The following CREB5 variants were observed in gnomAD, a reference collection of about 807,000 sequenced individuals.
The protein encoded by CREB5 is cAMP responsive element binding protein 5.
In CREB5, 19 loss-of-function variants were observed where a neutral mutation model predicts 57.1. The ratio of observed to expected loss-of-function variants is 0.33; its 90% CI spans 0.23 to 0.49. The LOEUF is 0.49. Ranked by LOEUF, CREB5 falls within the 20% of genes least tolerant of loss-of-function variation. The pLI is 0.99. For missense variants in CREB5, 579 were observed against 671.6 expected, an observed-to-expected ratio of 0.86 and a Z score of 1.52; for synonymous variants, 238 against 238.3, an observed-to-expected ratio of 1.00 and a Z score of 0.01.
At chr7:28,328,283 T>A (rs1480277069) in intron 1 of CREB5, among the ~76,000 whole-genome samples, 2 of 152,200 alleles carry the variant, frequency 1.3e-5, no homozygotes, top group East Asian at 3.8e-4. Flanking sequence ...ATAAACTTTA[T>A]TGTCATGTCT....
At chr7:28,722,996 C>A (rs1803126975) in intron 6 of CREB5, among the ~76,000 whole-genome samples, 1 of 152,164 alleles carries the variant, frequency 6.6e-6, no homozygotes, top group South Asian at 2.1e-4. Flanking sequence ...TTCAATGAGC[C>A]CTCTCAAGCT....
chr7:28,815,059 C>A (rs572846922), intron 9 of CREB5, among the ~76,000 whole-genome samples: 1 of 152,276 alleles, frequency 6.6e-6, no homozygotes, highest in Admixed American at 6.5e-5. Context: ...TCACTTGAGG[C>A]CAGGAGTTCA....
chr7:28,484,014 A>G (rs1791454589), intron 1 of CREB5, among the ~76,000 whole-genome samples: 1 of 152,224 alleles, frequency 6.6e-6, no homozygotes, highest in Non-Finnish European at 1.5e-5. Flanking sequence ...ATTCAGGATC[A>G]TTATCCATTC....
chr7:28,783,881 G>A (rs1807143584), intron 7 of CREB5, among the ~76,000 whole-genome samples: 1 of 152,194 alleles, frequency 6.6e-6, no homozygotes, highest in Non-Finnish European at 1.5e-5. Flanking sequence ...ACTTACAGAA[G>A]GAATGATTTC....
intron 1 of CREB5, among the ~76,000 whole-genome samples, chr7:28,424,386 T>G (rs1438092203): frequency 6.6e-6 from 1 of 152,138 alleles, no homozygotes; most frequent in Non-Finnish European, 1.5e-5. Context: ...GAGTGATATG[T>G]TTTCTAATCA....
chr7:28,679,052 CTTTTT>C (rs56266854), intron 5 of CREB5, among the ~76,000 whole-genome samples: 1 of 123,866 alleles, frequency 8.1e-6, no homozygotes, highest in Admixed American at 8.8e-5. Flanking sequence ...TTTTGTAGTT[CTTTTT>C]TTTTTTTTTT....
chr7:28,716,933 A>G (rs1462411917), intron 5 of CREB5, among the ~76,000 whole-genome samples: 1 of 152,204 alleles, frequency 6.6e-6, no homozygotes, highest in African/African-American at 2.4e-5. Flanking sequence ...AGAAATACCC[A>G]TAGCACTTCA....
chr7:28,417,790 A>G (rs1054145995), intron 1 of CREB5, among the ~76,000 whole-genome samples: 17 of 152,248 alleles, frequency 1.1e-4, no homozygotes, highest in African/African-American at 3.9e-4. Flanking sequence ...TGTTACAAGC[A>G]TGCTGCACCC....
intron 5 of CREB5, among the ~76,000 whole-genome samples, chr7:28,630,716 T>C (rs1443298352): frequency 6.6e-6 from 1 of 152,176 alleles, no homozygotes; most frequent in Non-Finnish European, 1.5e-5. Flanking sequence ...AAAAAGACAA[T>C]AGTGTGGCTA....
At position 28,421,691 on chromosome 7, in the gene CREB5, C is replaced by T. The variant is rs544644419; in HGVS notation, c.3+8774C>T. On this transcript the variant is annotated intron_variant, in intron 1 of 10. Coordinates refer to ENST00000357727, the MANE Select transcript of CREB5 (RefSeq NM_182898.4). ...AGCTGTATCATTCCATTTGAAAATG[C>T]ATTTGACCTTATTTGAGCAGTTTTT... Among the ~76,000 whole-genome samples, 7 of 151,358 alleles carry T rather than the reference C, an allele frequency of 4.6e-5. No homozygotes were observed. The South Asian group carries it at 1.5e-3, about 32-fold the overall frequency.
intron 5 of CREB5, among the ~76,000 whole-genome samples, chr7:28,626,810 C>T (rs1168687698): frequency 6.6e-6 from 1 of 152,126 alleles, no homozygotes; most frequent in Non-Finnish European, 1.5e-5. Context: ...TCTTACTCCC[C>T]CTGGTGTTCA....
At chr7:28,817,253 C>T (rs1809492147) in intron 9 of CREB5, among the ~76,000 whole-genome samples, 1 of 152,168 alleles carries the variant, frequency 6.6e-6, no homozygotes, top group Non-Finnish European at 1.5e-5. Context: ...CCTGAGCTGA[C>T]ATCATCCACC....
At chr7:28,719,286 A>G (rs1439134915) in intron 6 of CREB5, among the ~76,000 whole-genome samples, 3 of 152,226 alleles carry the variant, frequency 2.0e-5, no homozygotes, top group African/African-American at 7.2e-5. Context: ...GATCATACAT[A>G]ATAGCTGCTA....
intron 1 of CREB5, among the ~76,000 whole-genome samples, chr7:28,448,203 A>G (rs1789587593): frequency 6.6e-6 from 1 of 151,822 alleles, no homozygotes; most frequent in Admixed American, 6.6e-5. Flanking sequence ...CGAACATCAG[A>G]CTCCAAGTTC....
intron 1 of CREB5, among the ~76,000 whole-genome samples, chr7:28,396,626 T>C (rs953791841): frequency 5.3e-5 from 8 of 152,222 alleles, no homozygotes; most frequent in Admixed American, 5.2e-4. Flanking sequence ...ATCAGAGGCT[T>C]AGTGCACAGG....
chr7:28,761,976 A>G (rs954762557), intron 7 of CREB5, among the ~76,000 whole-genome samples: 9 of 152,190 alleles, frequency 5.9e-5, no homozygotes, highest in African/African-American at 1.7e-4. Flanking sequence ...GTGAATCTCA[A>G]TGTAAATAAC....
chr7:28,606,328 T>G (rs565260333), intron 5 of CREB5, among the ~76,000 whole-genome samples: 2 of 148,254 alleles, frequency 1.3e-5, no homozygotes, highest in South Asian at 4.1e-4. Flanking sequence ...TTACAAAAAT[T>G]TATTTACAAT....
rs1212595303 is a variant in CREB5, at chr7:28,560,987, T to TGCGTGTGTGCGCGTGTGCGCGTGC, written c.292-9377_292-9376insCGTGTGTGCGCGTGTGCGCGTGCG. On this transcript the variant is annotated intron_variant, in intron 4 of 10. Coordinates refer to ENST00000357727, the MANE Select transcript of CREB5 (RefSeq NM_182898.4). ...GTGTGTGTGTGCGTGTGTGCGTGCG[T>TGCGTGTGTGCGCGTGTGCGCGTGC]GTGTGTGCCTGCGTGTGCGTGTGTG... 6.4e-4 allele frequency among the ~76,000 whole-genome samples: 41 copies of TGCGTGTGTGCGCGTGTGCGCGTGC among 64,492 alleles called. 7 individuals are homozygous for TGCGTGTGTGCGCGTGTGCGCGTGC. Among genetic ancestry groups the TGCGTGTGTGCGCGTGTGCGCGTGC allele is most frequent in the Non-Finnish European group, 1.3e-3 (36 of 28,408 alleles). 42.3% of individuals were successfully genotyped at this position (64,492 alleles called of 152,430 possible). A position where few individuals can be genotyped will look rare whatever the true frequency, so the allele number is the denominator to read the frequency against.
chr7:28,525,451 G>A (rs1793406909), intron 4 of CREB5, among the ~76,000 whole-genome samples: 1 of 152,052 alleles, frequency 6.6e-6, no homozygotes, highest in South Asian at 2.1e-4. Context: ...CCAACAGTGT[G>A]TAAGAATTCT....
Sources: allele counts gnomAD v4.1 joint callset (sites outside exome capture counted in the v4.1 genomes callset), GRCh38; gene constraint gnomAD v4.1.1; transcripts MANE v1.5; gene names NCBI Gene and HGNC (gene_info 2026-07-23, HGNC 2026-07-21).